The following RGS8 variants were observed in gnomAD, a reference collection of about 807,000 sequenced individuals.
RGS8 encodes the protein regulator of G-protein signaling 8.
Under a neutral mutation model 21.7 loss-of-function variants are expected in RGS8, and 8 were observed. The ratio of observed to expected loss-of-function variants is 0.37; its 90% CI spans 0.22 to 0.66. The LOEUF (loss-of-function observed/expected upper bound fraction) is 0.66, where lower values mean the gene tolerates loss of function less well. Among genes scored for constraint, RGS8 ranks in the 30% least tolerant of loss-of-function variants. RGS8 has a pLI of 0.59. For synonymous variants in RGS8, 80 were observed against 83.6 expected (o/e 0.96, Z 0.24); for missense variants, 157 against 217.9 (o/e 0.72, Z 1.76).
intron 5 of RGS8, among the ~76,000 whole-genome samples, chr1:182,650,197 A>G (rs984375682): frequency 6.6e-6 from 1 of 152,190 alleles, no homozygotes; most frequent in Non-Finnish European, 1.5e-5. Context: ...GGCGTGAGCC[A>G]CCACGCCCGG....
At chr1:182,673,961 C>T (rs1018821974), upstream of RGS8, among the ~76,000 whole-genome samples, 1 of 152,218 alleles carries the variant, frequency 6.6e-6, no homozygotes, top group African/African-American at 2.4e-5. Flanking sequence ...ATTTAATTTT[C>T]AGAACAAATT....
chr1:182,693,313 T>C, the RGS8 span, among the ~76,000 whole-genome samples: 1 of 152,282 alleles, frequency 6.6e-6, no homozygotes, highest in South Asian at 2.1e-4. Context: ...GCAAAGGACA[T>C]GAACAGACAC....
chr1:182,714,706 C>T, the RGS8 span, among the ~76,000 whole-genome samples: 2 of 152,206 alleles, frequency 1.3e-5, no homozygotes, highest in African/African-American at 2.4e-5. Context: ...CAGTGATGCT[C>T]TCAAGTGATC....
chr1:182,678,760 G>GT (rs1664450108), intron 1 of RGS8, among the ~76,000 whole-genome samples: 1 of 152,180 alleles, frequency 6.6e-6, no homozygotes, highest in Admixed American at 6.5e-5. Flanking sequence ...CTGAACTCAG[G>GT]TTTTACAAAT....
At chr1:182,741,011 C>G in the RGS8 span, among the ~76,000 whole-genome samples, 19 of 151,942 alleles carry the variant, frequency 1.3e-4, no homozygotes, top group East Asian at 7.8e-4. Context: ...ACCTTTCCCC[C>G]CTTTCTATTC....
the RGS8 span, among the ~76,000 whole-genome samples, chr1:182,694,291 T>C: frequency 6.6e-6 from 1 of 152,192 alleles, no homozygotes; most frequent in Non-Finnish European, 1.5e-5. Flanking sequence ...GCAAGCTAAC[T>C]CTCTGCTAGC....
At chr1:182,743,338 T>C in the RGS8 span, among the ~76,000 whole-genome samples, 1 of 152,174 alleles carries the variant, frequency 6.6e-6, no homozygotes, top group African/African-American at 2.4e-5. Flanking sequence ...AGTGGGTCAT[T>C]GACTCATGGA....
At chr1:182,732,002 G>A in the RGS8 span, among the ~76,000 whole-genome samples, 1 of 152,116 alleles carries the variant, frequency 6.6e-6, no homozygotes, top group Non-Finnish European at 1.5e-5. Context: ...CAATGACCTG[G>A]GTATGAGCCA....
At chr1:182,728,020 CT>C in the RGS8 span, among the ~76,000 whole-genome samples, 1 of 152,304 alleles carries the variant, frequency 6.6e-6, no homozygotes, top group Non-Finnish European at 1.5e-5. Flanking sequence ...TATTTTGATA[CT>C]CCAATATCTA....
intron 1 of RGS8, among the ~76,000 whole-genome samples, chr1:182,683,291 C>T (rs559279494): frequency 2.2e-4 from 33 of 152,164 alleles, no homozygotes; most frequent in Non-Finnish European, 2.5e-4. Flanking sequence ...CCATCATCAG[C>T]GTAATACCAT....
chr1:182,727,836 A>G, the RGS8 span, among the ~76,000 whole-genome samples: 1 of 152,216 alleles, frequency 6.6e-6, no homozygotes, highest in Non-Finnish European at 1.5e-5. Flanking sequence ...AATTTTATAT[A>G]TAAAATGAAT....
the RGS8 span, among the ~76,000 whole-genome samples, chr1:182,729,263 T>A: frequency 3.3e-5 from 5 of 152,226 alleles, no homozygotes; most frequent in Non-Finnish European, 7.3e-5. Flanking sequence ...CACCTCGGGA[T>A]GAGTGGGGAT....
chr1:182,662,369 C>T (rs1663633823), intron 5 of RGS8, among the ~76,000 whole-genome samples: 2 of 152,156 alleles, frequency 1.3e-5, no homozygotes. Flanking sequence ...TCTCTGTTTG[C>T]TACAGAGAGC....
intron 5 of RGS8, among the ~76,000 whole-genome samples, chr1:182,657,491 C>G (rs1441365436): frequency 6.6e-6 from 1 of 152,136 alleles, no homozygotes; most frequent in Non-Finnish European, 1.5e-5. Flanking sequence ...TGCCGGGGCC[C>G]CATGCACCCC....
the RGS8 span, among the ~76,000 whole-genome samples, chr1:182,716,465 T>C: frequency 2.0e-5 from 3 of 148,826 alleles, no homozygotes; most frequent in African/African-American, 4.9e-5. Flanking sequence ...TGTATTGCTA[T>C]TTTTTATTGT....
chr1:182,731,358 C>T, the RGS8 span, among the ~76,000 whole-genome samples: 4 of 152,228 alleles, frequency 2.6e-5, no homozygotes, highest in African/African-American at 9.7e-5. Flanking sequence ...TATCCTATTT[C>T]TTGCTTACCT....
At chr1:182,715,581 C>A in the RGS8 span, among the ~76,000 whole-genome samples, 1 of 152,156 alleles carries the variant, frequency 6.6e-6, no homozygotes, top group Non-Finnish European at 1.5e-5. Flanking sequence ...GGGGCTCTAT[C>A]CCCAGAGTCT....
the RGS8 span, among the ~76,000 whole-genome samples, chr1:182,699,983 C>T: frequency 6.6e-6 from 1 of 152,194 alleles, no homozygotes; most frequent in Non-Finnish European, 1.5e-5. Flanking sequence ...CACCTCACAC[C>T]CTGCAGGAGA....
the RGS8 span, among the ~76,000 whole-genome samples, chr1:182,709,020 C>G: frequency 6.6e-6 from 1 of 152,070 alleles, no homozygotes; most frequent in Non-Finnish European, 1.5e-5. Context: ...TTCCCATTTC[C>G]CACACACCTT....
Sources: gnomAD v4.1 joint callset for allele counts (sites outside exome capture counted in the v4.1 genomes callset) on GRCh38, gnomAD v4.1.1 for gene constraint, MANE v1.5 for transcripts, NCBI Gene and HGNC (gene_info 2026-07-23, HGNC 2026-07-21) for gene names.